The following TTC12 variants were observed in gnomAD, a reference collection of about 807,000 sequenced individuals.
TTC12 encodes tetratricopeptide repeat protein 12.
Under a neutral mutation model 90.1 loss-of-function variants are expected in TTC12, and 70 were observed. That is an observed-to-expected ratio of 0.78 (90% CI 0.64 to 0.95). The LOEUF (loss-of-function observed/expected upper bound fraction) is 0.95, where lower values mean the gene tolerates loss of function less well. Among genes scored for constraint, TTC12 ranks in the 40% least tolerant of loss-of-function variants. The pLI, the probability that TTC12 is intolerant of heterozygous loss-of-function variation, is 0.00. For missense variants in TTC12, 819 were observed against 846.1 expected, an observed-to-expected ratio of 0.97 and a Z score of 0.40; for synonymous variants, 296 against 311.5, an observed-to-expected ratio of 0.95 and a Z score of 0.53.
intron 19 of TTC12, among the ~76,000 whole-genome samples, chr11:113,362,819 T>C (rs1555155806): frequency 6.6e-6 from 1 of 152,250 alleles, no homozygotes; most frequent in African/African-American, 2.4e-5. Context: ...TCTGTAACGT[T>C]TCTCAGGCAC....
At chr11:113,369,463 C>T (rs1383464353), downstream of TTC12, among the ~76,000 whole-genome samples, 1 of 146,706 alleles carries the variant, frequency 6.8e-6, no homozygotes, top group East Asian at 2.1e-4. Flanking sequence ...CACTAGGCAC[C>T]CTATCAAAAC....
chr11:113,356,349 T>C (rs899074346), intron 16 of TTC12, among the ~76,000 whole-genome samples: 1 of 152,196 alleles, frequency 6.6e-6, no homozygotes. Flanking sequence ...GTTGGATGGG[T>C]CTCTTGAAGA....
intron 9 of TTC12, 91 bp from the exon 10 acceptor site, chr11:113,339,195 T>C (rs1394755557): frequency 9.3e-7 from 1 of 1,070,390 alleles, no homozygotes; most frequent in Non-Finnish European, 1.3e-6. Context: ...CAAACTCCCA[T>C]CCTCAAAAGA....
chr11:113,366,018 T>G (rs190545461), intron 21 of TTC12, among the ~76,000 whole-genome samples: 2 of 152,264 alleles, frequency 1.3e-5, no homozygotes, highest in African/African-American at 4.8e-5. Flanking sequence ...CAGCGAGTGT[T>G]TTCAGTGCTT....
chr11:113,336,914 A>G (rs942561126), intron 8 of TTC12, among the ~76,000 whole-genome samples: 3 of 152,226 alleles, frequency 2.0e-5, no homozygotes, highest in African/African-American at 7.2e-5. Flanking sequence ...TGGGTATTAC[A>G]TGAATTCATA....
chr11:113,336,113 A>G (rs1555143976), intron 8 of TTC12, among the ~76,000 whole-genome samples: 1 of 152,032 alleles, frequency 6.6e-6, no homozygotes, highest in Non-Finnish European at 1.5e-5. Context: ...TAGCTATTCT[A>G]GTGGGTGTGA....
At chr11:113,371,047 G>A (rs1245611212), downstream of TTC12, among the ~76,000 whole-genome samples, 2 of 152,060 alleles carry the variant, frequency 1.3e-5, no homozygotes, top group African/African-American at 4.8e-5. Context: ...AACGTGCAAG[G>A]TGATTTACAC....
intron 7 of TTC12, among the ~76,000 whole-genome samples, chr11:113,333,250 C>T (rs1419975300): frequency 6.6e-6 from 1 of 152,088 alleles, no homozygotes; most frequent in Non-Finnish European, 1.5e-5. Context: ...TCGATCCCAG[C>T]TGGACCGTCC....
intron 16 of TTC12, 139 bp from the exon 17 acceptor site, chr11:113,359,224 T>C: frequency 3.4e-6 from 2 of 595,658 alleles, no homozygotes; most frequent in Non-Finnish European, 3.1e-6. Context: ...TGGTCTCTGA[T>C]CCTCCACCAT....
chr11:113,353,094 A>G (rs930026020), intron 16 of TTC12, among the ~76,000 whole-genome samples: 1 of 152,224 alleles, frequency 6.6e-6, no homozygotes, highest in Non-Finnish European at 1.5e-5. Context: ...CCAACAGTGT[A>G]TAAGTGTACC....
At chr11:113,335,701 T>G (rs1948331386) in intron 8 of TTC12, among the ~76,000 whole-genome samples, 1 of 152,224 alleles carries the variant, frequency 6.6e-6, no homozygotes, top group Non-Finnish European at 1.5e-5. Flanking sequence ...TAACTGAGGT[T>G]GTTCACTTAG....
downstream of TTC12, among the ~76,000 whole-genome samples, chr11:113,366,824 G>A (rs1950234339): frequency 6.6e-6 from 1 of 152,194 alleles, no homozygotes; most frequent in African/African-American, 2.4e-5. Flanking sequence ...TGGGGTGAGT[G>A]GTAGGTGGTG....
chr11:113,318,956 G>A (rs1947122126), intron 2 of TTC12, among the ~76,000 whole-genome samples: 1 of 152,048 alleles, frequency 6.6e-6, no homozygotes, highest in Non-Finnish European at 1.5e-5. Context: ...TTTATGTAAT[G>A]ACTCTTCCCC....
chr11:113,368,164 C>T (rs1037875257), downstream of TTC12: 57 of 1,386,648 alleles, frequency 4.1e-5, no homozygotes, highest in Non-Finnish European at 4.9e-5. Flanking sequence ...TGTCAAATTA[C>T]GTTATTATGT....
intron 12 of TTC12, among the ~76,000 whole-genome samples, 187 bp from the exon 13 acceptor site, chr11:113,344,085 T>C (rs566386572): frequency 6.6e-6 from 1 of 152,286 alleles, no homozygotes; most frequent in African/African-American, 2.4e-5. Flanking sequence ...AAGAGTTCAT[T>C]GGTAAGGTCG....
intron 12 of TTC12, 130 bp downstream of exon 12, chr11:113,342,055 C>G: frequency 1.3e-6 from 1 of 757,048 alleles, no homozygotes; most frequent in Non-Finnish European, 2.3e-6. Flanking sequence ...CACACCCACT[C>G]CCTCCAGGAA....
intron 7 of TTC12, among the ~76,000 whole-genome samples, chr11:113,332,032 C>T (rs2137960780): frequency 6.6e-6 from 1 of 152,352 alleles, no homozygotes; most frequent in African/African-American, 2.4e-5. Flanking sequence ...TTAGTACTTT[C>T]ATGCCAATTT....
rs1555140639 is a variant in TTC12, at chr11:113,325,513, T to C, written c.323-11T>C. ...GGTGAGAGCTCACCTGTGTAACTTA[T>C]ATTCCCATAGCCCTAAAAGAAAAAG... On this transcript the variant is annotated splice_polypyrimidine_tract_variant and intron_variant, in intron 5 of 21. Coordinates refer to ENST00000529221, the MANE Select transcript of TTC12 (RefSeq NM_017868.4). 3.7e-6 allele frequency: 6 copies of C among 1,613,626 alleles called. No individual in the cohort carries two copies. Among genetic ancestry groups the C allele is most frequent in the South Asian group, 1.1e-5 (1 of 91,056 alleles).
intron 11 of TTC12, 95 bp from the exon 12 acceptor site, chr11:113,341,742 A>G: frequency 1.1e-6 from 1 of 938,482 alleles, no homozygotes; most frequent in Non-Finnish European, 1.8e-6. Context: ...TCAAACCTGT[A>G]TTTGGTGAAT....
Sources: gnomAD v4.1 joint callset for allele counts (sites outside exome capture counted in the v4.1 genomes callset) on GRCh38, gnomAD v4.1.1 for gene constraint, MANE v1.5 for transcripts, NCBI Gene and HGNC (gene_info 2026-07-23, HGNC 2026-07-21) for gene names.